Variants in GALK2 observed in about 807,000 individuals in gnomAD.
The protein encoded by GALK2 is galactokinase 2, also known as N-acetylgalactosamine kinase.
GALK2 carries 36 observed loss-of-function variants against 52.4 expected under a neutral mutation model. The observed-to-expected ratio is 0.69, with a 90% CI of 0.53 to 0.91. The LOEUF is 0.91. GALK2 is among the 40% of genes least tolerant of loss of function. The pLI, the probability that GALK2 is intolerant of heterozygous loss-of-function variation, is 0.00. For synonymous variants in GALK2, 176 were observed against 199.1 expected, an observed-to-expected ratio of 0.88 and a Z score of 0.98; for missense variants, 579 against 559.1, an observed-to-expected ratio of 1.04 and a Z score of -0.36.
chr15:49,317,474 G>T (rs2036515638), intron 8 of GALK2, among the ~76,000 whole-genome samples: 1 of 152,058 alleles, frequency 6.6e-6, no homozygotes, highest in Non-Finnish European at 1.5e-5. Flanking sequence ...ATGTAAATTA[G>T]TTCAACCATT....
Position 49,308,814 on chromosome 15 carries a change from G to T in GALK2, c.968-10790G>T, listed in dbSNP as rs562766823. On this transcript the variant is annotated intron_variant, in intron 8 of 9. Coordinates refer to ENST00000560031, the MANE Select transcript of GALK2 (RefSeq NM_002044.4). ...TGGAAATTTGATCATGTTGGAACTT[G>T]GAAGGTTGCTCTGGAGAGAAGACTC... 1.5e-4 allele frequency among the ~76,000 whole-genome samples: 23 copies of T among 152,324 alleles called. No homozygotes were observed. The South Asian group carries it at 4.6e-3, about 30-fold the overall frequency.
chr15:49,175,381 G>A (rs1433900923), intron 1 of GALK2, among the ~76,000 whole-genome samples: 1 of 152,164 alleles, frequency 6.6e-6, no homozygotes, highest in African/African-American at 2.4e-5. Context: ...AGGGGGTTTA[G>A]CAAGAGAGTG....
At chr15:49,247,823 C>G (rs912087706) in intron 5 of GALK2, among the ~76,000 whole-genome samples, 1 of 152,194 alleles carries the variant, frequency 6.6e-6, no homozygotes, top group African/African-American at 2.4e-5. Context: ...CATGAAATTC[C>G]TTTTAAAACT....
intron 4 of GALK2, among the ~76,000 whole-genome samples, chr15:49,237,390 A>T (rs2090870984): frequency 6.6e-6 from 1 of 152,222 alleles, no homozygotes. Context: ...AATGTGGCAT[A>T]TACCCATTTG....
chr15:49,162,164 G>T (rs1165801768), intron 1 of GALK2, among the ~76,000 whole-genome samples: 1 of 152,032 alleles, frequency 6.6e-6, no homozygotes, highest in Admixed American at 6.6e-5. Context: ...CTTTTCCCAG[G>T]TAACTGCTGA....
At chr15:49,223,989 A>G (rs377584633) in intron 3 of GALK2, among the ~76,000 whole-genome samples, 3 of 152,070 alleles carry the variant, frequency 2.0e-5, no homozygotes, top group East Asian at 3.9e-4. Flanking sequence ...CAGTGGCTGA[A>G]CTAATTTACA....
chr15:49,276,970 C>CTT (rs1233754984), intron 5 of GALK2, among the ~76,000 whole-genome samples: 2,985 of 28,306 alleles, frequency 0.11, 191 homozygotes, highest in African/African-American at 0.23. Flanking sequence ...TTTTTCTTTT[C>CTT]TTTTTTTTTT....
intron 1 of GALK2, among the ~76,000 whole-genome samples, chr15:49,186,261 G>C (rs906471765): frequency 6.6e-6 from 1 of 151,814 alleles, no homozygotes; most frequent in Non-Finnish European, 1.5e-5. Context: ...CCCTTTACAG[G>C]CTATTTTCTG....
intron 7 of GALK2, among the ~76,000 whole-genome samples, chr15:49,285,372 C>A (rs1298513391): frequency 4.6e-5 from 7 of 152,142 alleles, no homozygotes; most frequent in African/African-American, 1.7e-4. Context: ...ACCGACCCAC[C>A]CTGGGCAGGG....
intron 9 of GALK2, chr15:49,327,696 A>G: frequency 3.2e-6 from 1 of 313,544 alleles, no homozygotes. Flanking sequence ...ATTGCCAGTC[A>G]TGAAATGGGA....
At chr15:49,318,753 TG>T (rs1433482685) in intron 8 of GALK2, among the ~76,000 whole-genome samples, 1 of 152,178 alleles carries the variant, frequency 6.6e-6, no homozygotes, top group Non-Finnish European at 1.5e-5. Flanking sequence ...TGGTCCTTTC[TG>T]TTGGGGCAGA....
intron 1 of GALK2, 184 bp downstream of exon 1, chr15:49,170,559 A>G: frequency 1.7e-6 from 1 of 597,782 alleles, no homozygotes. Context: ...AACACATTCT[A>G]CCTTGACTAC....
chr15:49,298,011 A>G (rs1231304053), intron 8 of GALK2, among the ~76,000 whole-genome samples: 2 of 152,084 alleles, frequency 1.3e-5, no homozygotes, highest in Non-Finnish European at 1.5e-5. Context: ...CTTGGGCAGT[A>G]TGGCCATTTT....
At chr15:49,278,511 C>A (rs1243388617) in intron 5 of GALK2, among the ~76,000 whole-genome samples, 1 of 152,082 alleles carries the variant, frequency 6.6e-6, no homozygotes, top group Non-Finnish European at 1.5e-5. Flanking sequence ...AAGATAACAC[C>A]AACTGTGTAG....
intron 1 of GALK2, among the ~76,000 whole-genome samples, chr15:49,173,477 A>T (rs2085238037): frequency 6.6e-6 from 1 of 152,150 alleles, no homozygotes; most frequent in South Asian, 2.1e-4. Context: ...TATTCAGTAA[A>T]GCCTGAAAAT....
intron 3 of GALK2, among the ~76,000 whole-genome samples, chr15:49,228,685 A>ATTTTTTTTTTT (rs1566957985): frequency 1.1e-4 from 2 of 18,140 alleles, no homozygotes; most frequent in African/African-American, 2.5e-4. Flanking sequence ...ATATATATAT[A>ATTTTTTTTTTT]TATTTTTTTT....
chr15:49,357,990 A>G (rs1203588547), intron 3 of GALK2, among the ~76,000 whole-genome samples: 3 of 152,110 alleles, frequency 2.0e-5, no homozygotes, highest in Admixed American at 6.5e-5. Context: ...CAAAAACCAC[A>G]TGATTATCTC....
chr15:49,212,199 T>G lies in GALK2; in HGVS notation c.143-4991T>G, dbSNP rs1342955822. Among the ~76,000 whole-genome samples, 8 of 152,164 alleles carry G rather than the reference T, an allele frequency of 5.3e-5. 1 individual carries two copies. The highest frequency in any genetic ancestry group is 5.2e-4 in the Admixed American group (8 of 15,280). ...CCTCCACCTCTCAGATTCAAGTGAT[T>G]GTCCTGCCTCAGCCTCCCGAGTAGC... On this transcript the variant is annotated intron_variant, in intron 2 of 9. Transcript: ENST00000560031.
At chr15:49,293,821 C>A (rs537823135) in intron 8 of GALK2, among the ~76,000 whole-genome samples, 14 of 151,954 alleles carry the variant, frequency 9.2e-5, no homozygotes, top group African/African-American at 3.4e-4. Flanking sequence ...AGCTTAAGGC[C>A]GGGTGCAGGG....
Sources: allele counts gnomAD v4.1 joint callset (sites outside exome capture counted in the v4.1 genomes callset), GRCh38; gene constraint gnomAD v4.1.1; transcripts MANE v1.5; gene names NCBI Gene and HGNC (gene_info 2026-07-23, HGNC 2026-07-21).